Variants in NUGGC observed in about 807,000 individuals in gnomAD.
The protein encoded by NUGGC is nuclear GTPase SLIP-GC.
NUGGC carries 58 observed loss-of-function variants against 92.6 expected under a neutral mutation model. That is an observed-to-expected ratio of 0.63 (90% CI 0.51 to 0.78). The LOEUF is 0.78. Among genes scored for constraint, NUGGC ranks in the 30% least tolerant of loss-of-function variants. NUGGC has a pLI of 0.00. For missense variants in NUGGC, 925 were observed against 964.6 expected (o/e 0.96, Z 0.54); for synonymous variants, 376 against 366.4 (o/e 1.03, Z -0.30).
intron 12 of NUGGC, among the ~76,000 whole-genome samples, chr8:28,041,961 G>C (rs118070242): frequency 2.6e-5 from 4 of 152,154 alleles, no homozygotes; most frequent in South Asian, 2.1e-4. Context: ...CACGTGTTGT[G>C]GGGGGGACCT....
intron 7 of NUGGC, among the ~76,000 whole-genome samples, chr8:28,062,334 C>G (rs1013594542): frequency 6.6e-6 from 1 of 151,914 alleles, no homozygotes; most frequent in African/African-American, 2.4e-5. Flanking sequence ...GCTTTGGGCT[C>G]TGGGCCAGAT....
At chr8:28,070,131 C>A in intron 3 of NUGGC, 121 bp downstream of exon 3, 13 of 1,449,078 alleles carry the variant, frequency 9.0e-6, no homozygotes, top group Non-Finnish European at 1.2e-5. Context: ...CCTCTCTTTC[C>A]AAAACAGGTT....
chr8:28,024,794 C>G (rs867774221), intron 18 of NUGGC, among the ~76,000 whole-genome samples: 93 of 152,308 alleles, frequency 6.1e-4, no homozygotes, highest in African/African-American at 2.2e-3. Flanking sequence ...ATCAACCTAA[C>G]CTTTGAGGCT....
At chr8:28,071,645 G>A (rs1238241992) in intron 2 of NUGGC, among the ~76,000 whole-genome samples, 1 of 152,148 alleles carries the variant, frequency 6.6e-6, no homozygotes, top group Non-Finnish European at 1.5e-5. Context: ...GGCTTGTTGG[G>A]CCCATCATCC....
intron 13 of NUGGC, among the ~76,000 whole-genome samples, chr8:28,037,696 T>A (rs1809590959): frequency 6.6e-6 from 1 of 152,156 alleles, no homozygotes; most frequent in Non-Finnish European, 1.5e-5. Context: ...GTGACCCACT[T>A]AGAGCCAAAG....
At chr8:28,054,437 G>A (rs1331528938) in intron 10 of NUGGC, among the ~76,000 whole-genome samples, 2 of 151,814 alleles carry the variant, frequency 1.3e-5, no homozygotes, top group Non-Finnish European at 2.9e-5. Flanking sequence ...AGCCGAGATT[G>A]CACCACTGCA....
chr8:28,040,062 A>T (rs1233204038), intron 13 of NUGGC, among the ~76,000 whole-genome samples: 1 of 151,974 alleles, frequency 6.6e-6, no homozygotes, highest in Non-Finnish European at 1.5e-5. Flanking sequence ...AAGAGGAGAG[A>T]GGCCTCAGAA....
At chr8:28,025,007 C>T (rs1174433262) in intron 18 of NUGGC, among the ~76,000 whole-genome samples, 2 of 152,194 alleles carry the variant, frequency 1.3e-5, no homozygotes, top group East Asian at 3.8e-4. Flanking sequence ...CCCTTCTTCC[C>T]TTTCTGTGTT....
At chr8:28,050,429 A>C (rs898069788) in intron 10 of NUGGC, among the ~76,000 whole-genome samples, 6 of 152,112 alleles carry the variant, frequency 3.9e-5, no homozygotes, top group African/African-American at 1.4e-4. Context: ...AGGAAAGGAA[A>C]GGAAGAAAGA....
chr8:28,028,707 C>A (rs959343311), intron 17 of NUGGC, among the ~76,000 whole-genome samples: 1 of 152,208 alleles, frequency 6.6e-6, no homozygotes, highest in African/African-American at 2.4e-5. Flanking sequence ...CCAAGGAAAC[C>A]ATCAGGAACT....
At chr8:28,040,906 A>G in intron 13 of NUGGC, 145 bp downstream of exon 13, 1 of 734,946 alleles carries the variant, frequency 1.4e-6, no homozygotes, top group Non-Finnish European at 2.2e-6. Flanking sequence ...CGGCCTCCCA[A>G]AGTGCTGGGA....
chr8:28,048,778 G>A (rs1809909761), intron 10 of NUGGC, among the ~76,000 whole-genome samples: 1 of 148,742 alleles, frequency 6.7e-6, no homozygotes, highest in Non-Finnish European at 1.5e-5. Flanking sequence ...CAAGAGAATT[G>A]TTTGAACCCG....
At chr8:28,063,269 A>C (rs1462685003) in intron 7 of NUGGC, among the ~76,000 whole-genome samples, 1 of 152,204 alleles carries the variant, frequency 6.6e-6, no homozygotes, top group Non-Finnish European at 1.5e-5. Context: ...CCCTCGCTTC[A>C]GCCTGACCTC....
At position 28,023,180 on chromosome 8, in the gene NUGGC, G is replaced by A. The variant is rs1356979477; in HGVS notation, c.*137C>T. ...TTGAGCCTAGGAGTTCGAGGCTGCAGTGAGCTGTGATGGTGCCACTGCACT... is the reference window on the plus strand; with the variant it reads ...TTGAGCCTAGGAGTTCGAGGCTGCAATGAGCTGTGATGGTGCCACTGCACT... On this transcript the variant is annotated 3_prime_UTR_variant, in exon 19 of 19. Coordinates refer to ENST00000413272, the MANE Select transcript of NUGGC (RefSeq NM_001010906.2). 12 of 928,092 alleles carry A rather than the reference G, an allele frequency of 1.3e-5. No individual in the cohort carries two copies. Among genetic ancestry groups the A allele is most frequent in the South Asian group, 5.3e-5 (3 of 56,240 alleles). 57.5% of individuals were successfully genotyped at this position (928,092 alleles called of 1,614,324 possible).
chr8:28,029,264 A>G lies in NUGGC; in HGVS notation c.2154+2T>C. 1.2e-6 allele frequency: 2 copies of G among 1,603,498 alleles called. No homozygotes were observed. The highest frequency in any genetic ancestry group is 1.3e-5 in the African/African-American group (1 of 74,836). ...AGGATCCAGGATGTGGGCATAGAGT[A>G]CCTTCAGCTGCTGAAACTGGTGCTG... On this transcript the variant is annotated splice_donor_variant, in intron 17 of 18. Coordinates refer to ENST00000413272, the MANE Select transcript of NUGGC (RefSeq NM_001010906.2). LOFTEE classifies it high-confidence loss of function.
rs1269668056 is a variant in NUGGC at position 28,022,656 on chromosome 8, A to G, written c.*661T>C. The G allele has an allele frequency of 1.3e-5, 2 of 152,242 alleles. No individual in the cohort carries two copies. Among genetic ancestry groups the G allele is most frequent in the Non-Finnish European group, 2.9e-5 (2 of 68,052 alleles). The allele number at this position is 152,242 out of a possible 1,614,324, so 9.4% of individuals were successfully genotyped here. On this transcript the variant is annotated 3_prime_UTR_variant, in exon 19 of 19. Coordinates refer to ENST00000413272, the MANE Select transcript of NUGGC (RefSeq NM_001010906.2). ...ACAGAAAGAATTCTGAGCCAGGCAC[A>G]ATGGCTCATGCCTGCAATCCTAGCA...
chr8:28,043,973 A>G (rs1408167322), intron 12 of NUGGC, among the ~76,000 whole-genome samples: 1 of 152,234 alleles, frequency 6.6e-6, no homozygotes, highest in Non-Finnish European at 1.5e-5. Flanking sequence ...TAAGAAATAG[A>G]TTTAAAAAAG....
At position 28,023,200 on chromosome 8, in the gene NUGGC, T is replaced by C. The variant is rs1476170270; in HGVS notation, c.*117A>G. ...CTGCAGTGAGCTGTGATGGTGCCAC[T>C]GCACTCCAGCCTGGGCAACAGAGGT... is the stretch of plus-strand genomic sequence containing the variant. On this transcript the variant is annotated 3_prime_UTR_variant, in exon 19 of 19. Coordinates refer to ENST00000413272, the MANE Select transcript of NUGGC (RefSeq NM_001010906.2). 7 of 1,157,688 alleles carry C rather than the reference T, an allele frequency of 6.0e-6. No homozygotes were observed. The highest frequency in any genetic ancestry group is 8.4e-6 in the Non-Finnish European group (7 of 834,598). The allele number at this position is 1,157,688 out of a possible 1,614,324, so 71.7% of individuals were successfully genotyped here. A position where few individuals can be genotyped will look rare whatever the true frequency, so the allele number is the denominator to read the frequency against.
At chr8:28,068,176 G>T in intron 5 of NUGGC, 40 bp downstream of exon 5, 1 of 1,243,300 alleles carries the variant, frequency 8.0e-7, no homozygotes, top group Non-Finnish European at 1.1e-6. Context: ...GAAGGAAAAA[G>T]GAAGGAAGGG....
Sources: allele counts gnomAD v4.1 joint callset (sites outside exome capture counted in the v4.1 genomes callset), GRCh38; gene constraint gnomAD v4.1.1; transcripts MANE v1.5; gene names NCBI Gene and HGNC (gene_info 2026-07-23, HGNC 2026-07-21).